SLC2A13: variants seen among roughly 807,000 people sequenced by gnomAD.
The protein encoded by SLC2A13 is solute carrier family 2 member 13.
A neutral mutation model predicts 64.4 loss-of-function variants in SLC2A13; 32 were observed. The observed-to-expected ratio is 0.50, with a 90% CI of 0.37 to 0.67. The LOEUF (loss-of-function observed/expected upper bound fraction) is 0.67, where lower values mean the gene tolerates loss of function less well. Ranked by LOEUF, SLC2A13 falls within the 30% of genes least tolerant of loss-of-function variation. The pLI, the probability that SLC2A13 is intolerant of heterozygous loss-of-function variation, is 0.00. For missense variants in SLC2A13, 743 were observed against 829.2 expected, an observed-to-expected ratio of 0.90 and a Z score of 1.28; for synonymous variants, 338 against 327.1, an observed-to-expected ratio of 1.03 and a Z score of -0.36.
chr12:39,937,853 G>A (rs1235793795), intron 4 of SLC2A13, among the ~76,000 whole-genome samples: 2 of 152,126 alleles, frequency 1.3e-5, no homozygotes, highest in Non-Finnish European at 2.9e-5. Flanking sequence ...TAAGGTCATC[G>A]AGGTCTTTTC....
chr12:39,830,235 A>C lies in SLC2A13; in HGVS notation c.1320-7T>G. On this transcript the variant is annotated splice_region_variant and splice_polypyrimidine_tract_variant and intron_variant, in intron 6 of 9. Coordinates refer to ENST00000280871, the MANE Select transcript of SLC2A13 (RefSeq NM_052885.4). ...CATACATTCATTACAGTAACTGAAAAATGAAAAGAGTTACCGTCATGTTGG... is the reference window on the plus strand; with the variant it reads ...CATACATTCATTACAGTAACTGAAACATGAAAAGAGTTACCGTCATGTTGG... 1 of 1,611,532 alleles carries C rather than the reference A, an allele frequency of 6.2e-7. No individual in the cohort carries two copies. The highest frequency in any genetic ancestry group is 8.5e-7 in the Non-Finnish European group (1 of 1,178,458).
At chr12:39,776,559 G>A (rs542337772) in intron 7 of SLC2A13, among the ~76,000 whole-genome samples, 2 of 152,344 alleles carry the variant, frequency 1.3e-5, no homozygotes, top group South Asian at 2.1e-4. Flanking sequence ...TTGAATGACA[G>A]AGAAGCCTGT....
At chr12:40,027,861 T>C (rs1251793767) in intron 3 of SLC2A13, among the ~76,000 whole-genome samples, 1 of 152,216 alleles carries the variant, frequency 6.6e-6, no homozygotes, top group African/African-American at 2.4e-5. Flanking sequence ...ATGTGAAATC[T>C]TCTTCAAAAA....
At position 40,105,450 on chromosome 12, in the gene SLC2A13, T is replaced by A; in HGVS notation, c.359A>T (p.Gln120Leu). The A allele has an allele frequency of 6.4e-7, 1 of 1,558,354 alleles. No individual in the cohort carries two copies. ...KRQLSLDALW[Q>L]ELLVSSTVGA... ...CACCGTGCTGGACACCAGCAGCTCC[T>A]GCCACAGCGCGTCCAGACTGAGCTG... is the stretch of plus-strand genomic sequence containing the variant. Residue 120 changes from glutamine (Q) to leucine (L), a missense_variant, in exon 1 of 10, where the codon CAG (glutamine) becomes CTG (leucine). This residue lies in a region of SLC2A13 where 448 missense variants were observed against 447.4 expected (regional missense o/e 1.00). Transcript: ENST00000280871. This position sits in a 1 kb window ranked among gnomAD's most constrained non-coding sequence, Gnocchi z 4.2.
chr12:40,076,223 A>T (rs534201954), intron 1 of SLC2A13, among the ~76,000 whole-genome samples: 33 of 152,280 alleles, frequency 2.2e-4, no homozygotes, highest in Admixed American at 3.9e-4. Context: ...ACTGCACATC[A>T]CTGGAGTTTG....
chr12:39,877,077 G>T (rs73104973), intron 4 of SLC2A13, among the ~76,000 whole-genome samples: 2 of 151,972 alleles, frequency 1.3e-5, no homozygotes, highest in African/African-American at 2.4e-5. Context: ...CATTAAAAGA[G>T]GTTCTTTTAA....
chr12:40,071,383 T>A (rs1398448926), intron 1 of SLC2A13, among the ~76,000 whole-genome samples: 1 of 152,194 alleles, frequency 6.6e-6, no homozygotes, highest in Non-Finnish European at 1.5e-5. Context: ...AAATCCCAAT[T>A]CATAATGGTA....
chr12:40,034,555 G>C lies in SLC2A13; in HGVS notation c.717-6046C>G, dbSNP rs187694816. On this transcript the variant is annotated intron_variant, in intron 2 of 9. Transcript: ENST00000280871. ...AAACTGTATCTGTAATTCCAATTAA[G>C]TTTTATTTCCACTCTGTCTTCTGGC... Among the ~76,000 whole-genome samples, 212 of 152,240 alleles carry C rather than the reference G, an allele frequency of 1.4e-3. 1 individual carries two copies. The highest frequency in any genetic ancestry group is 4.9e-3 in the African/African-American group (202 of 41,552).
At chr12:39,944,649 T>A (rs1021696363) in intron 4 of SLC2A13, among the ~76,000 whole-genome samples, 1 of 152,260 alleles carries the variant, frequency 6.6e-6, no homozygotes, top group East Asian at 1.9e-4. Context: ...TTGTCTGATA[T>A]AAGAATAGCT....
At chr12:40,074,098 T>C (rs565781643) in intron 1 of SLC2A13, among the ~76,000 whole-genome samples, 1 of 152,230 alleles carries the variant, frequency 6.6e-6, no homozygotes, top group South Asian at 2.1e-4. Flanking sequence ...AGGATTCTTT[T>C]AAAAACATCC....
intron 7 of SLC2A13, among the ~76,000 whole-genome samples, chr12:39,807,505 T>C (rs1942015957): frequency 6.6e-6 from 1 of 152,198 alleles, no homozygotes; most frequent in Non-Finnish European, 1.5e-5. Context: ...TATATAGTTA[T>C]TTCAAAATAA....
At chr12:39,898,496 C>T (rs534818561) in intron 4 of SLC2A13, among the ~76,000 whole-genome samples, 19 of 112,356 alleles carry the variant, frequency 1.7e-4, no homozygotes, top group Admixed American at 7.3e-4. Context: ...ATAGTAGCCA[C>T]GCTTTTCCCC....
chr12:39,807,935 G>A (rs1942029787), intron 7 of SLC2A13, among the ~76,000 whole-genome samples: 1 of 152,098 alleles, frequency 6.6e-6, no homozygotes, highest in African/African-American at 2.4e-5. Context: ...AATTTTGTAT[G>A]CTATAATTCT....
intron 5 of SLC2A13, among the ~76,000 whole-genome samples, chr12:39,867,996 CTACT>C (rs1943951433): frequency 6.6e-6 from 1 of 152,206 alleles, no homozygotes; most frequent in African/African-American, 2.4e-5. Flanking sequence ...GTCCTATCAT[CTACT>C]CATATACACT....
In SLC2A13 at chr12:39,903,024, C is replaced by T. The variant is rs80145257; in HGVS notation, c.1035-31063G>A. ...GGTGATGGAAAGTTAAATTACTGTGCTCAGGAGATGAGTAATATGAGTATG... is the reference window on the plus strand; with the variant it reads ...GGTGATGGAAAGTTAAATTACTGTGTTCAGGAGATGAGTAATATGAGTATG... On this transcript the variant is annotated intron_variant, in intron 4 of 9. Transcript: ENST00000280871. Among the ~76,000 whole-genome samples, 819 of 152,206 alleles carry T rather than the reference C, an allele frequency of 5.4e-3. 5 individuals carry two copies. Among genetic ancestry groups the T allele is most frequent in the Middle Eastern group, 0.01 (3 of 294 alleles).
At chr12:39,776,408 C>T (rs1940780082) in intron 7 of SLC2A13, among the ~76,000 whole-genome samples, 1 of 152,204 alleles carries the variant, frequency 6.6e-6, no homozygotes. Flanking sequence ...GCATAAAGGC[C>T]ACCAACAGCC....
At position 40,008,340 on chromosome 12, in the gene SLC2A13, G is replaced by T. The variant is rs1170034099; in HGVS notation, c.925+19961C>A. ...GAGAAACAATTGGCTGGGCACAGTG[G>T]CTCATGCCTGTAATCCCAGCACTTT... On this transcript the variant is annotated intron_variant, in intron 3 of 9. Transcript: ENST00000280871. Among the ~76,000 whole-genome samples, 3 of 152,182 alleles carry T rather than the reference G, an allele frequency of 2.0e-5. No homozygotes were observed. In the East Asian group the frequency reaches 5.8e-4, roughly 29 times the overall value.
intron 3 of SLC2A13, among the ~76,000 whole-genome samples, chr12:39,971,889 C>T (rs1207099270): frequency 6.7e-6 from 1 of 149,674 alleles, no homozygotes; most frequent in Non-Finnish European, 1.5e-5. Context: ...GCAAAAGAAT[C>T]GCTTGAGCCC....
intron 4 of SLC2A13, among the ~76,000 whole-genome samples, chr12:39,946,551 T>C (rs1164997157): frequency 6.6e-6 from 1 of 151,956 alleles, no homozygotes; most frequent in Non-Finnish European, 1.5e-5. Context: ...GCTGTGGGGG[T>C]TGAGGGTGAG....
Sources: allele counts gnomAD v4.1 joint callset (sites outside exome capture counted in the v4.1 genomes callset), GRCh38; gene constraint gnomAD v4.1.1; regional missense constraint gnomAD v4.1.1; non-coding constraint Gnocchi (gnomAD v3.1); transcripts MANE v1.5; gene names NCBI Gene and HGNC (gene_info 2026-07-23, HGNC 2026-07-21).